FMN2: variants seen among roughly 807,000 people sequenced by gnomAD.
FMN2 encodes formin 2.
FMN2 carries 51 observed loss-of-function variants against 142.3 expected under a neutral mutation model. The ratio of observed to expected loss-of-function variants is 0.36; its 90% CI spans 0.29 to 0.45. FMN2 has a LOEUF of 0.45. Among genes scored for constraint, FMN2 ranks in the 20% least tolerant of loss-of-function variants. The probability of loss-of-function intolerance (pLI) is 1.00; values close to 1 mark genes in which losing one functional copy is unlikely to be tolerated. For missense variants in FMN2, 1,936 were observed against 2,122.8 expected, an observed-to-expected ratio of 0.91 and a Z score of 1.73; for synonymous variants, 882 against 869.8, an observed-to-expected ratio of 1.01 and a Z score of -0.25.
chr1:240,320,493 A>G (rs141315499), intron 8 of FMN2, among the ~76,000 whole-genome samples: 1 of 152,224 alleles, frequency 6.6e-6, no homozygotes, highest in Non-Finnish European at 1.5e-5. Flanking sequence ...TATCTGAAAG[A>G]GATTTTGAAA....
rs572311829 is a variant in FMN2, at chr1:240,207,123, C to T, written c.2311C>T (p.Pro771Ser). ...GCTGCCAGGGCGTCCTCCATGCCCC[C>T]CTGGGGCTGAAAGTGGACCTCAGAC... ...DGLPGRPPCP[P>S]GAESGPQTKF... The change falls in exon 5 of 18, where the codon CCT becomes TCT. Residue 771 changes from proline (P) to serine (S), a missense_variant. Physicochemically the swap from Pro to Ser is moderately conservative, Grantham distance 74. Coordinates refer to ENST00000319653, the MANE Select transcript of FMN2 (RefSeq NM_020066.5). The T allele has an allele frequency of 1.1e-5, 17 of 1,613,980 alleles. No homozygotes were observed. The highest frequency in any genetic ancestry group is 1.3e-5 in the African/African-American group (1 of 74,900).
In FMN2 at chr1:240,208,432, C is replaced by T. The variant is rs1317504471; in HGVS notation, c.3620C>T (p.Pro1207Leu). 1.7e-5 allele frequency: 27 copies of T among 1,600,438 alleles called. No individual in the cohort carries two copies. The highest frequency in any genetic ancestry group is 2.3e-5 in the Non-Finnish European group (27 of 1,170,736). The change falls in exon 5 of 18, where the codon CCC (proline) becomes CTC (leucine). Residue 1207 changes from proline (P) to leucine (L), a missense_variant. This residue lies in a region of FMN2 where 259 missense variants were observed against 230.9 expected (regional missense o/e 1.12). Transcript: ENST00000319653. ...CCCCCTCTACCTGGTGCTGGGATTCCCCCACCTCCTCCCTTGCCAGGTATG... is the reference window on the plus strand; with the variant it reads ...CCCCCTCTACCTGGTGCTGGGATTCTCCCACCTCCTCCCTTGCCAGGTATG... ...PPPPLPGAGI[P>L]PPPPLPGMGI... is the part of the protein sequence containing the mutation.
At chr1:240,138,303 G>A (rs1455973969) in intron 2 of FMN2, among the ~76,000 whole-genome samples, 1 of 151,994 alleles carries the variant, frequency 6.6e-6, no homozygotes, top group African/African-American at 2.4e-5. Flanking sequence ...TTGTGGTTAG[G>A]ATGCTGGAAG....
intron 2 of FMN2, among the ~76,000 whole-genome samples, chr1:240,133,940 T>C (rs1662838824): frequency 6.6e-6 from 1 of 152,120 alleles, no homozygotes; most frequent in South Asian, 2.1e-4. Context: ...TAGTTAGGAG[T>C]GGTCTCTAGT....
intron 2 of FMN2, among the ~76,000 whole-genome samples, chr1:240,169,502 C>T (rs184595747): frequency 4.6e-5 from 7 of 152,234 alleles, no homozygotes; most frequent in African/African-American, 1.2e-4. Flanking sequence ...TTCACTGTGT[C>T]GCCCAGGCTG....
intron 14 of FMN2, among the ~76,000 whole-genome samples, chr1:240,385,303 G>A (rs967521642): frequency 5.9e-5 from 9 of 152,150 alleles, no homozygotes; most frequent in African/African-American, 1.7e-4. Flanking sequence ...AAGGCTCAAC[G>A]AGGTTTTCGT....
rs36215850 is a variant in FMN2, at chr1:240,248,432, G to GATATAT, written c.4066-9491_4066-9486dup. 3.8e-3 allele frequency among the ~76,000 whole-genome samples: 545 copies of GATATAT among 142,402 alleles called. 1 individual carries two copies. Among genetic ancestry groups the GATATAT allele is most frequent in the African/African-American group, 6.4e-3 (253 of 39,446 alleles). 93.4% of individuals were successfully genotyped at this position (142,402 alleles called of 152,430 possible). On this transcript the variant is annotated intron_variant, in intron 6 of 17. Coordinates refer to ENST00000319653, the MANE Select transcript of FMN2 (RefSeq NM_020066.5). ...ACATTATAGTACATACATGTGATTG[G>GATATAT]ATATATATATATATATATATATATA...
intron 3 of FMN2, among the ~76,000 whole-genome samples, chr1:240,178,418 T>C (rs1320950715): frequency 3.6e-5 from 5 of 139,972 alleles, no homozygotes; most frequent in South Asian, 2.4e-4. Context: ...GGTTGTTTTG[T>C]CCTTTTTTCC....
At chr1:240,177,889 A>G in intron 2 of FMN2, 32 bp from the exon 3 acceptor site, 7 of 1,517,924 alleles carry the variant, frequency 4.6e-6, no homozygotes, top group Non-Finnish European at 6.2e-6. Context: ...CTGAATTAAT[A>G]GCATTTCAAC....
At chr1:240,228,303 CAAAAAAAAAAA>C (rs577421634) in intron 6 of FMN2, among the ~76,000 whole-genome samples, 22,768 of 47,938 alleles carry the variant, frequency 0.47, 4,229 homozygotes, top group Middle Eastern at 0.6. Flanking sequence ...AACTCTGTCT[CAAAAAAAAAAA>C]AAAAAAAAAA....
chr1:240,181,691 G>A (rs2103331060), intron 3 of FMN2, among the ~76,000 whole-genome samples: 1 of 152,284 alleles, frequency 6.6e-6, no homozygotes, highest in Non-Finnish European at 1.5e-5. Context: ...GATAAGACTG[G>A]CTGGGAAAAA....
chr1:240,416,370 C>T (rs755223432), intron 15 of FMN2, among the ~76,000 whole-genome samples: 1 of 150,748 alleles, frequency 6.6e-6, no homozygotes, highest in Non-Finnish European at 1.5e-5. Flanking sequence ...AAGCGATTCT[C>T]GTGCCTCAGC....
intron 14 of FMN2, among the ~76,000 whole-genome samples, chr1:240,383,416 A>G (rs1438677702): frequency 6.6e-6 from 1 of 152,206 alleles, no homozygotes; most frequent in Admixed American, 6.5e-5. Flanking sequence ...CAACTCAACA[A>G]GAAGAAGACA....
chr1:240,142,544 A>G, intron 2 of FMN2: 1 of 841,422 alleles, frequency 1.2e-6, no homozygotes, highest in East Asian at 2.5e-5. Flanking sequence ...ACCTTATCTC[A>G]CTCAGTAACA....
intron 3 of FMN2, among the ~76,000 whole-genome samples, chr1:240,185,028 A>C: frequency 7.7e-6 from 1 of 130,060 alleles, no homozygotes; most frequent in Non-Finnish European, 1.6e-5. Context: ...TCCCTCCTAT[A>C]CCTTCCCCCT....
intron 8 of FMN2, among the ~76,000 whole-genome samples, chr1:240,295,479 C>CT (rs1669941469): frequency 1.3e-5 from 2 of 152,144 alleles, no homozygotes; most frequent in African/African-American, 4.8e-5. Flanking sequence ...CACCGTTATG[C>CT]TTTCTGTTTC....
chr1:240,103,054 C>T (rs527410830), intron 1 of FMN2, among the ~76,000 whole-genome samples: 5 of 151,830 alleles, frequency 3.3e-5, no homozygotes, highest in South Asian at 2.1e-4. Context: ...TTTGTAGAGA[C>T]GGGGTTTCAC....
chr1:240,402,250 T>A (rs1317278101), intron 15 of FMN2, among the ~76,000 whole-genome samples: 1 of 152,252 alleles, frequency 6.6e-6, no homozygotes, highest in Non-Finnish European at 1.5e-5. Context: ...ATGGTGAGTA[T>A]ATTTTTTAAA....
chr1:240,223,413 G>T (rs914008138), intron 6 of FMN2, among the ~76,000 whole-genome samples: 1 of 152,124 alleles, frequency 6.6e-6, no homozygotes, highest in African/African-American at 2.4e-5. Context: ...TTTTCGCATC[G>T]ATGTTCATTA....
Sources: gnomAD v4.1 joint callset for allele counts (sites outside exome capture counted in the v4.1 genomes callset) on GRCh38, gnomAD v4.1.1 for gene constraint, gnomAD v4.1.1 regional missense constraint, MANE v1.5 for transcripts, NCBI Gene and HGNC (gene_info 2026-07-23, HGNC 2026-07-21) for gene names.